The following SLIT3 variants were observed in gnomAD, a reference collection of about 807,000 sequenced individuals.
SLIT3 encodes the protein slit homolog 3 protein.
SLIT3 carries 68 observed loss-of-function variants against 184.0 expected under a neutral mutation model. The ratio of observed to expected loss-of-function variants is 0.37; its 90% CI spans 0.30 to 0.45. SLIT3 has a LOEUF of 0.45. Ranked by LOEUF, SLIT3 falls within the 20% of genes least tolerant of loss-of-function variation. The pLI, the probability that SLIT3 is intolerant of heterozygous loss-of-function variation, is 1.00. For synonymous variants in SLIT3, 831 were observed against 828.6 expected, an observed-to-expected ratio of 1.00 and a Z score of -0.05; for missense variants, 1,707 against 2,026.0, an observed-to-expected ratio of 0.84 and a Z score of 3.02.
intron 4 of SLIT3, among the ~76,000 whole-genome samples, chr5:169,072,808 G>A (rs1758601861): frequency 6.6e-6 from 1 of 152,138 alleles, no homozygotes; most frequent in South Asian, 2.1e-4. Context: ...GAGCATCTGG[G>A]AGCTCTTCCT....
chr5:168,709,382 C>A (rs980578344), intron 25 of SLIT3, among the ~76,000 whole-genome samples: 3 of 152,188 alleles, frequency 2.0e-5, no homozygotes, highest in Non-Finnish European at 4.4e-5. Flanking sequence ...AGGCATGAGC[C>A]ACCGTGCCCG....
At chr5:168,970,448 T>G (rs1286815054) in intron 4 of SLIT3, among the ~76,000 whole-genome samples, 1 of 149,598 alleles carries the variant, frequency 6.7e-6, no homozygotes, top group African/African-American at 2.5e-5. Context: ...TGAGCTGAGA[T>G]AGCGCCACTG....
At chr5:168,696,745 C>T (rs1262682780) in intron 27 of SLIT3, among the ~76,000 whole-genome samples, 1 of 152,192 alleles carries the variant, frequency 6.6e-6, no homozygotes, top group Non-Finnish European at 1.5e-5. Flanking sequence ...GAAGTGGTTT[C>T]CTGGATATGG....
chr5:168,710,921 G>A lies in SLIT3; in HGVS notation c.2693C>T (p.Thr898Ile), dbSNP rs1306664517. The A allele has an allele frequency of 6.4e-6, 10 of 1,557,992 alleles. No individual in the cohort carries two copies. In the East Asian group the frequency reaches 2.3e-4, roughly 37 times the overall value. The change falls in exon 25 of 36, where the codon ACC becomes ATC. Residue 898 changes from threonine (T) to isoleucine (I), a missense_variant. This residue lies in a region of SLIT3 where 1,307 missense variants were observed against 1,511.6 expected (regional missense o/e 0.86). Coordinates refer to ENST00000519560, the MANE Select transcript of SLIT3 (RefSeq NM_003062.4). ...EPMADRLLLTTPTHRFQCKGP... is the reference protein window; with the variant it reads ...EPMADRLLLTIPTHRFQCKGP... ...TTTGCACTGGAAGCGGTGGGTTGGGGTGGTGAGCAGGAGCCTGTCAGCCAT... is the reference window on the plus strand; with the variant it reads ...TTTGCACTGGAAGCGGTGGGTTGGGATGGTGAGCAGGAGCCTGTCAGCCAT...
chr5:168,868,775 AAAAGAAAAAG>A (rs1356196999), intron 5 of SLIT3, among the ~76,000 whole-genome samples: 1 of 151,776 alleles, frequency 6.6e-6, no homozygotes, highest in Non-Finnish European at 1.5e-5. Flanking sequence ...AAGAAAAAGA[AAAAGAAAAAG>A]AAAGGCAAAA....
At chr5:169,067,504 G>A (rs1443767565) in intron 4 of SLIT3, among the ~76,000 whole-genome samples, 1 of 152,136 alleles carries the variant, frequency 6.6e-6, no homozygotes, top group African/African-American at 2.4e-5. Flanking sequence ...TGCCTCCACG[G>A]CAAAAGGCTG....
At chr5:168,850,913 G>A (rs1042853601) in intron 5 of SLIT3, among the ~76,000 whole-genome samples, 25 of 152,174 alleles carry the variant, frequency 1.6e-4, no homozygotes, top group African/African-American at 4.8e-4. Flanking sequence ...TTTACACATC[G>A]CTGGGAAATA....
At chr5:169,134,653 G>A (rs1371196344) in intron 4 of SLIT3, among the ~76,000 whole-genome samples, 3 of 152,182 alleles carry the variant, frequency 2.0e-5, no homozygotes, top group African/African-American at 4.8e-5. Flanking sequence ...TAATGAAAAT[G>A]TCGAGTTGAT....
intron 4 of SLIT3, among the ~76,000 whole-genome samples, chr5:169,068,671 T>C (rs1256111312): frequency 2.0e-5 from 3 of 152,282 alleles, no homozygotes; most frequent in Middle Eastern, 3.4e-3. Flanking sequence ...CAACAATGCA[T>C]GTAGGCCAAC....
chr5:168,988,759 G>A (rs1176454576), intron 4 of SLIT3, among the ~76,000 whole-genome samples: 2 of 151,886 alleles, frequency 1.3e-5, no homozygotes, highest in Non-Finnish European at 2.9e-5. Flanking sequence ...CACTGGAGGA[G>A]AATCAACTAG....
At chr5:168,903,999 C>G (rs908816662) in intron 4 of SLIT3, among the ~76,000 whole-genome samples, 4 of 151,958 alleles carry the variant, frequency 2.6e-5, no homozygotes, top group African/African-American at 9.7e-5. Flanking sequence ...TATTTTGGAC[C>G]TTACCAACCC....
intron 29 of SLIT3, among the ~76,000 whole-genome samples, chr5:168,690,894 G>A (rs1268604470): frequency 6.6e-6 from 1 of 152,214 alleles, no homozygotes; most frequent in Non-Finnish European, 1.5e-5. Context: ...ACATGCTCAT[G>A]TCTGCTTGTC....
intron 23 of SLIT3, among the ~76,000 whole-genome samples, chr5:168,714,508 A>T (rs1170978154): frequency 6.6e-6 from 1 of 152,172 alleles, no homozygotes; most frequent in East Asian, 1.9e-4. Context: ...GCTTGAACCC[A>T]GGAGGCAGAG....
At chr5:168,859,049 C>T (rs1252523116) in intron 5 of SLIT3, among the ~76,000 whole-genome samples, 1 of 152,146 alleles carries the variant, frequency 6.6e-6, no homozygotes, top group Non-Finnish European at 1.5e-5. Context: ...AAGTCTGAAC[C>T]CACCTGATCA....
intron 34 of SLIT3, among the ~76,000 whole-genome samples, chr5:168,670,538 G>A (rs1761204588): frequency 6.6e-6 from 1 of 152,162 alleles, no homozygotes; most frequent in South Asian, 2.1e-4. Flanking sequence ...CTATTGAGAT[G>A]ACATGCAGAG....
intron 4 of SLIT3, among the ~76,000 whole-genome samples, chr5:169,088,383 G>A (rs1456908632): frequency 6.7e-6 from 1 of 149,510 alleles, no homozygotes. Context: ...CCCTGTCAAA[G>A]TTCTTTTTCT....
At chr5:168,970,515 A>C (rs991629314) in intron 4 of SLIT3, among the ~76,000 whole-genome samples, 11 of 151,250 alleles carry the variant, frequency 7.3e-5, no homozygotes, top group Non-Finnish European at 1.2e-4. Context: ...AAAAAAAAAA[A>C]CAAAGACAAA....
chr5:169,251,239 G>C (rs1278876554), intron 2 of SLIT3, 149 bp downstream of exon 2: 1 of 643,832 alleles, frequency 1.6e-6, no homozygotes, highest in Non-Finnish European at 2.9e-6. Flanking sequence ...GTAAGCATGT[G>C]GGTACGCTAA....
At chr5:168,842,878 C>T (rs116057708) in intron 6 of SLIT3, among the ~76,000 whole-genome samples, 2,552 of 152,236 alleles carry the variant, frequency 0.017, 80 homozygotes, top group African/African-American at 0.059. Context: ...TTCTCTCTGT[C>T]AAGGGAGGAA....
Sources: allele counts gnomAD v4.1 joint callset (sites outside exome capture counted in the v4.1 genomes callset), GRCh38; gene constraint gnomAD v4.1.1; regional missense constraint gnomAD v4.1.1; transcripts MANE v1.5; gene names NCBI Gene and HGNC (gene_info 2026-07-23, HGNC 2026-07-21).